COL4A4: variants seen among roughly 807,000 people sequenced by gnomAD.
The protein encoded by COL4A4 is collagen type IV alpha 4 chain, also known as collagen alpha-4(IV) chain.
Under a neutral mutation model 192.9 loss-of-function variants are expected in COL4A4, and 105 were observed. The ratio of observed to expected loss-of-function variants is 0.54; its 90% CI spans 0.46 to 0.64. The LOEUF (loss-of-function observed/expected upper bound fraction) is 0.64, where lower values mean the gene tolerates loss of function less well. COL4A4 is among the 30% of genes least tolerant of loss of function. The probability of loss-of-function intolerance (pLI) is 0.00; values close to 1 mark genes in which losing one functional copy is unlikely to be tolerated. For synonymous variants in COL4A4, 762 were observed against 769.9 expected, an observed-to-expected ratio of 0.99 and a Z score of 0.17; for missense variants, 1,967 against 2,169.3, an observed-to-expected ratio of 0.91 and a Z score of 1.85.
chr2:227,007,593 C>T lies in COL4A4; in HGVS notation c.4810-5G>A. On this transcript the variant is annotated splice_region_variant and splice_polypyrimidine_tract_variant and intron_variant, in intron 47 of 47. Coordinates refer to ENST00000396625, the MANE Select transcript of COL4A4 (RefSeq NM_000092.5). ...TTGGTCCCCAGCTCCTGTGTGCTAC[C>T]CAGAAAACAAGAGAGAATTAGGGCT... is the stretch of plus-strand genomic sequence containing the variant. 6.2e-7 allele frequency: 1 copy of T among 1,612,294 alleles called. No individual in the cohort carries two copies. The highest frequency in any genetic ancestry group is 8.5e-7 in the Non-Finnish European group (1 of 1,180,022).
rs2150688207 is a variant in COL4A4, at chr2:227,094,279, TCCTATCATGC to T, written c.1205_1214del (p.Gly402AspfsTer53). 1.2e-6 allele frequency: 2 copies of T among 1,613,610 alleles called. No homozygotes were observed. The highest frequency in any genetic ancestry group is 1.7e-6 in the Non-Finnish European group (2 of 1,179,850). Reference sequence around the variant, plus strand: ...CAGGAAATCCTTGTGGCCCAGGGGGTCCTATCATGCCTGCAAGATAAATCAAGAATGAAAA... The same window carrying T: ...CAGGAAATCCTTGTGGCCCAGGGGGTCTGCAAGATAAATCAAGAATGAAAA... On this transcript the variant is annotated frameshift_variant and splice_region_variant, in exon 20 of 48. Coordinates refer to ENST00000396625, the MANE Select transcript of COL4A4 (RefSeq NM_000092.5). LOFTEE classifies it high-confidence loss of function.
chr2:227,078,785 C>T (rs2059171711), intron 24 of COL4A4, among the ~76,000 whole-genome samples: 1 of 152,132 alleles, frequency 6.6e-6, no homozygotes, highest in Non-Finnish European at 1.5e-5. Flanking sequence ...CATCCTCCAC[C>T]CCTGTGGGTA....
At chr2:227,046,265 C>T (rs1466966590) in intron 35 of COL4A4, among the ~76,000 whole-genome samples, 1 of 150,326 alleles carries the variant, frequency 6.7e-6, no homozygotes, top group African/African-American at 2.5e-5. Context: ...TAGTTCTGCT[C>T]AGAAAATATC....
At chr2:227,119,564 ATATCT>A (rs1310956747) in intron 6 of COL4A4, among the ~76,000 whole-genome samples, 1 of 148,666 alleles carries the variant, frequency 6.7e-6, no homozygotes, top group Non-Finnish European at 1.5e-5. Flanking sequence ...CATACTATAC[ATATCT>A]TATATATACA....
intron 13 of COL4A4, 107 bp downstream of exon 13, chr2:227,103,865 A>T: frequency 1.2e-6 from 1 of 802,670 alleles, no homozygotes; most frequent in Non-Finnish European, 2.1e-6. Flanking sequence ...GTTTGAAACT[A>T]GTGCAGTGAT....
chr2:227,139,029 G>A (rs2063014158), intron 4 of COL4A4, among the ~76,000 whole-genome samples: 1 of 152,136 alleles, frequency 6.6e-6, no homozygotes, highest in South Asian at 2.1e-4. Context: ...GAGGAGATGG[G>A]GTATTTGGGA....
chr2:227,008,114 G>C lies in COL4A4; in HGVS notation c.4713C>G (p.Ala1571=), dbSNP rs2149720794. The C allele has an allele frequency of 6.2e-7, 1 of 1,614,048 alleles. No homozygotes were observed. The highest frequency in any genetic ancestry group is 1.7e-5 in the Admixed American group (1 of 60,020). Residue 1571 remains alanine, a synonymous_variant, in exon 47 of 48, where the codon GCC becomes GCG. Coordinates refer to ENST00000396625, the MANE Select transcript of COL4A4 (RefSeq NM_000092.5). ...PYVSRCAVCE[A]PAQAVAVHSQ... ...TGTGCACCGCCACCGCCTGGGCCGG[G>C]GCCTCGCATACCGCACAGCGGCTGA...
At chr2:226,978,007 T>TAGA in the COL4A4 span, among the ~76,000 whole-genome samples, 1 of 152,266 alleles carries the variant, frequency 6.6e-6, no homozygotes. Flanking sequence ...AAATGACTCA[T>TAGA]AGAAGTATGT....
the COL4A4 span, chr2:226,988,291 C>T: frequency 1.3e-6 from 2 of 1,535,248 alleles, no homozygotes; most frequent in Non-Finnish European, 1.8e-6. Context: ...GTCTCTTCCC[C>T]TGTCCTTCCC....
intron 33 of COL4A4, 82 bp downstream of exon 33, chr2:227,050,895 T>A: frequency 1.3e-6 from 2 of 1,547,380 alleles, no homozygotes; most frequent in Non-Finnish European, 8.9e-7. Flanking sequence ...GTATATACGC[T>A]GGCAAATTAT....
chr2:227,041,666 A>G (rs1268599956), intron 37 of COL4A4, among the ~76,000 whole-genome samples: 1 of 145,718 alleles, frequency 6.9e-6, no homozygotes, highest in Non-Finnish European at 1.5e-5. Context: ...AAAAGGAAAG[A>G]AAAGGAAAAA....
chr2:227,051,570 C>T (rs1321389170), intron 32 of COL4A4, among the ~76,000 whole-genome samples: 1 of 152,128 alleles, frequency 6.6e-6, no homozygotes, highest in Non-Finnish European at 1.5e-5. Context: ...TTCTGTGGAC[C>T]ATTAGCATGG....
chr2:227,063,809 A>T (rs1977743848), intron 25 of COL4A4, among the ~76,000 whole-genome samples: 1 of 151,870 alleles, frequency 6.6e-6, no homozygotes, highest in Admixed American at 6.6e-5. Flanking sequence ...AAATAATTCT[A>T]TACTTTGAGT....
intron 44 of COL4A4, among the ~76,000 whole-genome samples, chr2:227,014,392 TA>T (rs1490205690): frequency 9.9e-5 from 15 of 152,246 alleles, no homozygotes; most frequent in Non-Finnish European, 1.5e-5. Context: ...ACCAGTGCTC[TA>T]GATGATTTAA....
At chr2:227,075,338 T>C (rs2058966853) in intron 25 of COL4A4, among the ~76,000 whole-genome samples, 1 of 152,048 alleles carries the variant, frequency 6.6e-6, no homozygotes, top group Admixed American at 6.6e-5. Context: ...GTTCAACATA[T>C]GCAAATCAAT....
chr2:227,032,064 A>G lies in COL4A4; in HGVS notation c.3707-9T>C. 3 of 1,613,770 alleles carry G rather than the reference A, an allele frequency of 1.9e-6. No individual in the cohort carries two copies. The highest frequency in any genetic ancestry group is 2.5e-6 in the Non-Finnish European group (3 of 1,179,722). On this transcript the variant is annotated splice_polypyrimidine_tract_variant and intron_variant, in intron 39 of 47. Coordinates refer to ENST00000396625, the MANE Select transcript of COL4A4 (RefSeq NM_000092.5). ...AGGTGGTCCTGAACTCCCTAAGAAG[A>G]GACATGTTCACATGTTATCCTCATT...
intron 31 of COL4A4, among the ~76,000 whole-genome samples, chr2:227,053,166 G>C (rs1407652264): frequency 6.6e-6 from 1 of 151,906 alleles, no homozygotes; most frequent in Non-Finnish European, 1.5e-5. Flanking sequence ...TGGGATAATT[G>C]TATAGTAGCA....
intron 1 of COL4A4, among the ~76,000 whole-genome samples, chr2:227,150,421 G>C (rs1228043735): frequency 6.6e-6 from 1 of 152,140 alleles, no homozygotes. Context: ...TCCAGTGTGT[G>C]TCCCTTCTCC....
At chr2:226,982,365 C>G in the COL4A4 span, among the ~76,000 whole-genome samples, 8 of 152,298 alleles carry the variant, frequency 5.3e-5, no homozygotes, top group Admixed American at 3.9e-4. Flanking sequence ...GGACAATATC[C>G]TAGGTCAGGG....
Sources: allele counts gnomAD v4.1 joint callset (sites outside exome capture counted in the v4.1 genomes callset), GRCh38; gene constraint gnomAD v4.1.1; transcripts MANE v1.5; gene names NCBI Gene and HGNC (gene_info 2026-07-23, HGNC 2026-07-21).